ERC1: variants seen among roughly 807,000 people sequenced by gnomAD.
The protein encoded by ERC1 is ELKS/RAB6-interacting/CAST family member 1.
Under a neutral mutation model 132.0 loss-of-function variants are expected in ERC1, and 56 were observed. The observed-to-expected ratio is 0.42, with a 90% CI of 0.34 to 0.53. The LOEUF is 0.53. Ranked by LOEUF, ERC1 falls within the 20% of genes least tolerant of loss-of-function variation. The pLI is 0.03. For missense variants in ERC1, 1,202 were observed against 1,349.9 expected (o/e 0.89, Z 1.72); for synonymous variants, 478 against 476.1 (o/e 1.00, Z -0.05).
chr12:1,468,253 A>G (rs1470874009), intron 18 of ERC1, among the ~76,000 whole-genome samples: 1 of 133,288 alleles, frequency 7.5e-6, no homozygotes, highest in Non-Finnish European at 1.5e-5. Flanking sequence ...ACTGTATGAT[A>G]CGACAGAAAA....
intron 12 of ERC1, among the ~76,000 whole-genome samples, chr12:1,212,691 A>T (rs933500774): frequency 7.2e-5 from 11 of 152,164 alleles, no homozygotes; most frequent in African/African-American, 2.7e-4. Flanking sequence ...TGCAGGCCAG[A>T]TTCCTTGCTA....
intron 17 of ERC1, among the ~76,000 whole-genome samples, chr12:1,414,773 AAT>A (rs2092031450): frequency 6.6e-6 from 1 of 151,982 alleles, no homozygotes; most frequent in South Asian, 2.1e-4. Context: ...CAGGGACTTT[AAT>A]ATATTTACTT....
chr12:1,235,389 G>A (rs1351496442), intron 12 of ERC1, among the ~76,000 whole-genome samples: 2 of 152,096 alleles, frequency 1.3e-5, no homozygotes, highest in East Asian at 3.8e-4. Flanking sequence ...TTCTATCGAT[G>A]AAAAGATGTA....
chr12:1,240,178 A>G (rs1216620845), intron 13 of ERC1, among the ~76,000 whole-genome samples: 3 of 152,180 alleles, frequency 2.0e-5, no homozygotes, highest in African/African-American at 7.2e-5. Context: ...AAATCCGGAA[A>G]CTTCATTGTG....
intron 16 of ERC1, among the ~76,000 whole-genome samples, chr12:1,392,603 G>A (rs1161888743): frequency 2.0e-5 from 3 of 152,024 alleles, no homozygotes; most frequent in Non-Finnish European, 4.4e-5. Context: ...ATTTTAAGTG[G>A]TCCTTAATGG....
chr12:997,114 G>A (rs904193758), intron 1 of ERC1, among the ~76,000 whole-genome samples: 4 of 152,108 alleles, frequency 2.6e-5, no homozygotes, highest in African/African-American at 4.8e-5. Context: ...GAGACAAGGC[G>A]TCATTATGTT....
intron 12 of ERC1, among the ~76,000 whole-genome samples, chr12:1,195,389 A>C (rs554732619): frequency 2.6e-5 from 4 of 152,286 alleles, no homozygotes; most frequent in African/African-American, 9.6e-5. Flanking sequence ...TTCCCATTCT[A>C]ACACAACCAC....
At chr12:1,230,429 G>T (rs2074941358) in intron 12 of ERC1, among the ~76,000 whole-genome samples, 1 of 152,044 alleles carries the variant, frequency 6.6e-6, no homozygotes, top group South Asian at 2.1e-4. Context: ...TTATACCATT[G>T]TAGTTGAAAA....
intron 16 of ERC1, among the ~76,000 whole-genome samples, chr12:1,402,580 C>G (rs910983947): frequency 6.9e-6 from 1 of 144,588 alleles, no homozygotes; most frequent in Non-Finnish European, 1.5e-5. Flanking sequence ...GCATCCAAAT[C>G]AAGAAATAGA....
At chr12:1,090,982 C>G (rs906613626) in intron 3 of ERC1, among the ~76,000 whole-genome samples, 1 of 151,408 alleles carries the variant, frequency 6.6e-6, no homozygotes, top group Non-Finnish European at 1.5e-5. Context: ...ATTGTAACCT[C>G]CACCTCCCGG....
chr12:1,078,465 C>T (rs1477601671), intron 2 of ERC1, among the ~76,000 whole-genome samples: 18 of 135,706 alleles, frequency 1.3e-4, no homozygotes, highest in Non-Finnish European at 2.4e-4. Flanking sequence ...GTTTATTCTT[C>T]GAAAGAAATA....
At chr12:1,483,350 T>G (rs2154432206) in intron 18 of ERC1, among the ~76,000 whole-genome samples, 1 of 152,074 alleles carries the variant, frequency 6.6e-6, no homozygotes, top group East Asian at 1.9e-4. Flanking sequence ...GAGACCGGCT[T>G]CTTTCATTTA....
chr12:1,049,183 G>A (rs16932147), intron 2 of ERC1, among the ~76,000 whole-genome samples: 5 of 152,140 alleles, frequency 3.3e-5, no homozygotes, highest in South Asian at 2.1e-4. Context: ...AAATATTTGC[G>A]CATTACCGTC....
chr12:1,316,987 C>T (rs1219750079), intron 15 of ERC1, among the ~76,000 whole-genome samples: 9 of 151,892 alleles, frequency 5.9e-5, no homozygotes, highest in Admixed American at 5.9e-4. Context: ...TGGTGAAACC[C>T]CATCTCTACT....
chr12:1,122,571 G>A (rs58695975), intron 7 of ERC1, among the ~76,000 whole-genome samples: 172 of 4,036 alleles, frequency 0.043, 2 homozygotes, highest in Admixed American at 0.079. Flanking sequence ...CTCTATCTGT[G>A]TCTCTATCTC....
intron 18 of ERC1, among the ~76,000 whole-genome samples, chr12:1,469,949 C>G (rs773317166): frequency 6.0e-5 from 9 of 151,130 alleles, no homozygotes; most frequent in Non-Finnish European, 1.2e-4. Context: ...CAGGTATGCC[C>G]CGGGGTCACT....
At chr12:1,109,165 A>T (rs1945575953) in intron 4 of ERC1, among the ~76,000 whole-genome samples, 1 of 152,232 alleles carries the variant, frequency 6.6e-6, no homozygotes, top group Non-Finnish European at 1.5e-5. Context: ...CATGTAAAGT[A>T]GCCTGGGGAG....
chr12:1,404,875 A>G (rs1310123865), intron 16 of ERC1, among the ~76,000 whole-genome samples: 1 of 152,164 alleles, frequency 6.6e-6, no homozygotes, highest in Admixed American at 6.5e-5. Context: ...GCAGTGGCTC[A>G]TGCCTGTAAT....
intron 18 of ERC1, among the ~76,000 whole-genome samples, chr12:1,485,352 C>A (rs1262342203): frequency 1.3e-5 from 2 of 151,588 alleles, no homozygotes; most frequent in Non-Finnish European, 2.9e-5. Context: ...TTATAGGCGC[C>A]CGCCACCACG....
Sources: allele counts gnomAD v4.1 joint callset (sites outside exome capture counted in the v4.1 genomes callset), GRCh38; gene constraint gnomAD v4.1.1; transcripts MANE v1.5; gene names NCBI Gene and HGNC (gene_info 2026-07-23, HGNC 2026-07-21).